PADI4: variants seen among roughly 807,000 people sequenced by gnomAD.
The protein encoded by PADI4 is protein-arginine deiminase type-4.
A neutral mutation model predicts 75.0 loss-of-function variants in PADI4; 62 were observed. That is an observed-to-expected ratio of 0.83 (90% CI 0.67 to 1.02). The LOEUF is 1.02. Ranked by LOEUF, PADI4 falls within the 50% of genes least tolerant of loss-of-function variation. The probability of loss-of-function intolerance (pLI) is 0.00; values close to 1 mark genes in which losing one functional copy is unlikely to be tolerated. For synonymous variants in PADI4, 361 were observed against 348.1 expected (o/e 1.04, Z -0.41); for missense variants, 845 against 850.5 (o/e 0.99, Z 0.08).
In PADI4 at chr1:17,354,659, A is replaced by T; in HGVS notation, c.1282A>T (p.Ile428Phe). Reference sequence around the variant, plus strand: ...GGGCAAGGAATACCCGCTGGGCAGGATTCTCTTCGGGGACAGCTGTTATCC... The same window carrying T: ...GGGCAAGGAATACCCGCTGGGCAGGTTTCTCTTCGGGGACAGCTGTTATCC... The part of the protein sequence containing the change: ...VRGKEYPLGR[I>F]LFGDSCYPSN... Residue 428 changes from isoleucine (I) to phenylalanine (F), a missense_variant, in exon 11 of 16, where the codon ATT (isoleucine) becomes TTT (phenylalanine). Coordinates refer to ENST00000375448, the MANE Select transcript of PADI4 (RefSeq NM_012387.3). The T allele has an allele frequency of 1.2e-6, 2 of 1,612,494 alleles. No individual in the cohort carries two copies. The highest frequency in any genetic ancestry group is 2.2e-5 in the East Asian group (1 of 44,840).
Position 17,346,120 on chromosome 1 carries a change from T to G in PADI4, c.1028T>G (p.Met343Arg), listed in dbSNP as rs993795250. ...KLTICPEEEN[M>R]DDQWMQDEME... Reference sequence around the variant, plus strand: ...ACCATCTGCCCTGAGGAGGAGAACATGGATGACCAGTGGATGCAGGTATGT... The same window carrying G: ...ACCATCTGCCCTGAGGAGGAGAACAGGGATGACCAGTGGATGCAGGTATGT... Residue 343 changes from methionine to arginine, a missense_variant, in exon 9 of 16, where the codon ATG becomes AGG. Transcript: ENST00000375448. The surrounding 1 kb of genome is among the most constrained non-coding windows in gnomAD (Gnocchi z 4.3). 1.9e-6 allele frequency: 3 copies of G among 1,612,212 alleles called. No individual in the cohort carries two copies. The highest frequency in any genetic ancestry group is 1.7e-6 in the Non-Finnish European group (2 of 1,178,410).
intron 8 of PADI4, among the ~76,000 whole-genome samples, chr1:17,343,671 C>T (rs749231997): frequency 1.1e-4 from 16 of 152,154 alleles, no homozygotes; most frequent in Non-Finnish European, 1.5e-4. Flanking sequence ...TGCCCCATAC[C>T]ATTCTCATGG....
At chr1:17,327,223 G>A (rs1002355321) in intron 1 of PADI4, among the ~76,000 whole-genome samples, 2 of 151,966 alleles carry the variant, frequency 1.3e-5, no homozygotes, top group Non-Finnish European at 2.9e-5. Context: ...ATATGTTGAG[G>A]CTCTTATTAG....
At chr1:17,339,044 A>G (rs1403429539) in intron 5 of PADI4, among the ~76,000 whole-genome samples, 1 of 152,094 alleles carries the variant, frequency 6.6e-6, no homozygotes, top group Admixed American at 6.5e-5. Context: ...TTATCTTCAC[A>G]ACCATTCTAC....
intron 15 of PADI4, among the ~76,000 whole-genome samples, 167 bp downstream of exon 15, chr1:17,359,575 T>C (rs1424517984): frequency 1.3e-5 from 2 of 152,128 alleles, no homozygotes; most frequent in Admixed American, 6.5e-5. Flanking sequence ...TCCATGCACG[T>C]TGGTGTCTTT....
chr1:17,315,858 G>C (rs1352077679), intron 1 of PADI4, among the ~76,000 whole-genome samples: 1 of 151,780 alleles, frequency 6.6e-6, no homozygotes, highest in East Asian at 1.9e-4. Flanking sequence ...CCCATTCAGG[G>C]GCTGCTCTCT....
At chr1:17,321,503 C>T (rs1159487370) in intron 1 of PADI4, among the ~76,000 whole-genome samples, 1 of 152,206 alleles carries the variant, frequency 6.6e-6, no homozygotes, top group African/African-American at 2.4e-5. Flanking sequence ...AATTAATTAA[C>T]GTGTGGAAAG....
At chr1:17,334,552 C>T (rs1357972049) in intron 3 of PADI4, 1 of 454,752 alleles carries the variant, frequency 2.2e-6, no homozygotes, top group Non-Finnish European at 4.4e-6. Flanking sequence ...ATCTGCCTGC[C>T]TCAGGCTCCC....
In PADI4 at chr1:17,331,033, G is replaced by T; in HGVS notation, c.157G>T (p.Ala53Ser). The change falls in exon 2 of 16, where the codon GCC becomes TCC. Residue 53 changes from alanine to serine, a missense_variant. Ala to Ser is a moderately conservative substitution (Grantham distance 99). Transcript: ENST00000375448. ...CTCCCCAGGGGTGGTCGTGGATATT[G>T]CCCACGGCCCTCCAGCCAAGAAGAA... Reference protein sequence around the residue: ...NASPGVVVDIAHGPPAKKKST... With the variant: ...NASPGVVVDISHGPPAKKKST... 6.2e-7 allele frequency: 1 copy of T among 1,609,224 alleles called. No individual in the cohort carries two copies. Among genetic ancestry groups the T allele is most frequent in the South Asian group, 1.1e-5 (1 of 90,204 alleles).
intron 2 of PADI4, among the ~76,000 whole-genome samples, chr1:17,331,416 C>G (rs866851371): frequency 6.6e-6 from 1 of 150,590 alleles, no homozygotes; most frequent in Non-Finnish European, 1.5e-5. Context: ...TAGACACTGC[C>G]AGGCACTGGG....
Position 17,338,127 on chromosome 1 carries a change from C to T in PADI4, c.498C>T (p.Cys166=), listed in dbSNP as rs111275753. Residue 166 remains cysteine (C), a synonymous_variant, in exon 5 of 16, where the codon TGC becomes TGT. Transcript: ENST00000375448. ...RDNLESSAMD[C]EDDEVLDSED... is the part of the protein sequence containing the mutation. ...ATCTCGAATCTTCTGCCATGGACTG[C>T]GAGGATGATGAAGTGCTTGACAGCG... The T allele has an allele frequency of 6.6e-4, 1,068 of 1,611,552 alleles. 13 individuals carry two copies. In the African/African-American group the frequency reaches 0.011, roughly 17 times the overall value.
rs1249773999 is a variant in PADI4, at chr1:17,356,515, C to T, written c.1558+56C>T. On this transcript the variant is annotated intron_variant, in intron 13 of 15. Coordinates refer to ENST00000375448, the MANE Select transcript of PADI4 (RefSeq NM_012387.3). The surrounding 1 kb of genome is among the most constrained non-coding windows in gnomAD (Gnocchi z 4.1). ...GTGCACCTTCCTGCTTCCCATAGTC[C>T]GCTGTTGCCTGGAGGGAATCATCCA... 1.1e-5 allele frequency: 11 copies of T among 1,042,630 alleles called. No individual in the cohort carries two copies. The highest frequency in any genetic ancestry group is 4.7e-5 in the African/African-American group (3 of 63,360). The allele number at this position is 1,042,630 out of a possible 1,614,324, so 64.6% of individuals were successfully genotyped here. A position where few individuals can be genotyped will look rare whatever the true frequency, so the allele number is the denominator to read the frequency against.
At chr1:17,324,418 C>T (rs186515511) in intron 1 of PADI4, among the ~76,000 whole-genome samples, 33 of 152,096 alleles carry the variant, frequency 2.2e-4, no homozygotes, top group Middle Eastern at 3.4e-3. Flanking sequence ...ATATATTCTC[C>T]TTACATTGTG....
chr1:17,331,206 C>A, intron 2 of PADI4, 57 bp downstream of exon 2: 1 of 1,441,970 alleles, frequency 6.9e-7, no homozygotes, highest in African/African-American at 1.4e-5. Context: ...GGCAGCCACA[C>A]ACACTCTGTC....
intron 1 of PADI4, among the ~76,000 whole-genome samples, chr1:17,309,447 T>C (rs1037786149): frequency 6.6e-6 from 1 of 151,754 alleles, no homozygotes; most frequent in Non-Finnish European, 1.5e-5. Context: ...CCCCGCCCCA[T>C]GAAATGCTTA....
intron 1 of PADI4, among the ~76,000 whole-genome samples, chr1:17,314,760 C>A (rs979636833): frequency 2.0e-5 from 3 of 152,184 alleles, no homozygotes; most frequent in South Asian, 4.1e-4. Context: ...GGAGACGTTT[C>A]CCCGGGGCAG....
At chr1:17,326,904 CTT>C (rs140721491) in intron 1 of PADI4, among the ~76,000 whole-genome samples, 51 of 132,112 alleles carry the variant, frequency 3.9e-4, no homozygotes, top group East Asian at 6.6e-4. Context: ...GCCTTATATG[CTT>C]TTTTTTTTTT....
intron 15 of PADI4, 48 bp from the exon 16 acceptor site, chr1:17,363,474 G>T: frequency 7.4e-7 from 1 of 1,357,456 alleles, no homozygotes. Flanking sequence ...AGATTGCGCT[G>T]CAGGCTGCCC....
At chr1:17,349,423 G>A (rs1476280181) in intron 10 of PADI4, among the ~76,000 whole-genome samples, 1 of 152,190 alleles carries the variant, frequency 6.6e-6, no homozygotes. Context: ...CTCAGAATGA[G>A]GCCAGGTGTG....
Sources: gnomAD v4.1 joint callset for allele counts (sites outside exome capture counted in the v4.1 genomes callset) on GRCh38, gnomAD v4.1.1 for gene constraint, Gnocchi (gnomAD v3.1) non-coding constraint, MANE v1.5 for transcripts, NCBI Gene and HGNC (gene_info 2026-07-23, HGNC 2026-07-21) for gene names.